Variants in TLK1 observed in about 807,000 individuals in gnomAD.
The protein encoded by TLK1 is tousled like kinase 1.
Under a neutral mutation model 105.3 loss-of-function variants are expected in TLK1, and 24 were observed. That is an observed-to-expected ratio of 0.23 (90% CI 0.17 to 0.32). The LOEUF (loss-of-function observed/expected upper bound fraction) is 0.32, where lower values mean the gene tolerates loss of function less well. Ranked by LOEUF, TLK1 falls within the 10% of genes least tolerant of loss-of-function variation. The probability of loss-of-function intolerance (pLI) is 1.00; values close to 1 mark genes in which losing one functional copy is unlikely to be tolerated. For missense variants in TLK1, 558 were observed against 910.5 expected, an observed-to-expected ratio of 0.61 and a Z score of 4.98; for synonymous variants, 321 against 310.4, an observed-to-expected ratio of 1.03 and a Z score of -0.36.
At chr2:171,111,412 A>G (rs1690158535) in intron 2 of TLK1, among the ~76,000 whole-genome samples, 1 of 152,050 alleles carries the variant, frequency 6.6e-6, no homozygotes, top group Non-Finnish European at 1.5e-5. Context: ...CTCCACAAAA[A>G]AAGTCCAGCA....
At chr2:171,188,818 T>C (rs1693087575) in intron 1 of TLK1, among the ~76,000 whole-genome samples, 1 of 148,984 alleles carries the variant, frequency 6.7e-6, no homozygotes, top group Admixed American at 6.8e-5. Flanking sequence ...GAGGTTGCAG[T>C]GAGCCGAGAT....
intron 1 of TLK1, among the ~76,000 whole-genome samples, chr2:171,180,094 C>CAAA (rs57360155): frequency 1.5e-5 from 1 of 68,724 alleles, no homozygotes; most frequent in Admixed American, 1.5e-4. Context: ...GACTCTGTCT[C>CAAA]AAAAAAAAAA....
chr2:171,075,415 G>C (rs1330131163), intron 3 of TLK1, among the ~76,000 whole-genome samples: 1 of 152,074 alleles, frequency 6.6e-6, no homozygotes, highest in Non-Finnish European at 1.5e-5. Flanking sequence ...CATGAAAAAT[G>C]GTGGAAAACT....
At chr2:171,225,924 T>G (rs529063359) in intron 1 of TLK1, among the ~76,000 whole-genome samples, 1 of 152,288 alleles carries the variant, frequency 6.6e-6, no homozygotes, top group South Asian at 2.1e-4. Context: ...TCATGGGCTG[T>G]AGTTGCTTCT....
chr2:171,056,380 G>A (rs556717785), intron 6 of TLK1, 91 bp downstream of exon 6: 15 of 949,484 alleles, frequency 1.6e-5, no homozygotes, highest in Non-Finnish European at 2.2e-5. Flanking sequence ...TTATATAGAA[G>A]TTCTCAATAA....
At chr2:171,200,727 A>C (rs79380580) in intron 1 of TLK1, among the ~76,000 whole-genome samples, 4,154 of 152,252 alleles carry the variant, frequency 0.027, 119 homozygotes, top group South Asian at 0.095. Context: ...TTTACAAATT[A>C]TTTGGGAGAT....
intron 2 of TLK1, among the ~76,000 whole-genome samples, chr2:171,089,836 G>A (rs1394143065): frequency 6.6e-6 from 1 of 152,072 alleles, no homozygotes; most frequent in African/African-American, 2.4e-5. Context: ...ACCGTGCCTG[G>A]TTTAATTTTA....
At chr2:171,008,975 G>C (rs1684774313) in intron 14 of TLK1, among the ~76,000 whole-genome samples, 1 of 152,198 alleles carries the variant, frequency 6.6e-6, no homozygotes, top group Admixed American at 6.5e-5. Context: ...GTGACTTTTA[G>C]ATCCCAGCTG....
chr2:171,156,622 A>T (rs1378832435), intron 1 of TLK1, among the ~76,000 whole-genome samples: 1 of 152,234 alleles, frequency 6.6e-6, no homozygotes, highest in East Asian at 1.9e-4. Flanking sequence ...TCTGTCACAT[A>T]TCTATTCATG....
chr2:171,154,156 G>GTC (rs1692146621), intron 1 of TLK1, among the ~76,000 whole-genome samples: 1 of 151,418 alleles, frequency 6.6e-6, no homozygotes, highest in Admixed American at 6.6e-5. Context: ...CCCAAAGCTG[G>GTC]GATTACAGGC....
intron 2 of TLK1, among the ~76,000 whole-genome samples, chr2:171,108,700 C>T (rs1690039100): frequency 6.6e-6 from 1 of 152,066 alleles, no homozygotes; most frequent in South Asian, 2.1e-4. Context: ...ACCTCCTGAG[C>T]TCAAGTAATC....
chr2:171,120,603 A>G (rs1690614954), intron 1 of TLK1, among the ~76,000 whole-genome samples: 1 of 152,212 alleles, frequency 6.6e-6, no homozygotes, highest in Admixed American at 6.5e-5. Flanking sequence ...CTTCATACCC[A>G]TTAGGATGGC....
At chr2:171,110,839 TA>T (rs1008854630) in intron 2 of TLK1, among the ~76,000 whole-genome samples, 1 of 152,140 alleles carries the variant, frequency 6.6e-6, no homozygotes, top group Admixed American at 6.5e-5. Flanking sequence ...AACTATATAG[TA>T]AAAAAGGGTA....
chr2:171,230,946 G>A (rs527565656), intron 1 of TLK1, among the ~76,000 whole-genome samples: 10 of 152,152 alleles, frequency 6.6e-5, no homozygotes, highest in Non-Finnish European at 1.5e-4. Flanking sequence ...AGACATTAAA[G>A]GGCATTTTAC....
intron 6 of TLK1, among the ~76,000 whole-genome samples, chr2:171,056,056 A>G (rs1234770425): frequency 1.3e-5 from 2 of 152,058 alleles, no homozygotes; most frequent in African/African-American, 4.8e-5. Context: ...ACTGAACTAC[A>G]TACCCTGCCT....
intron 12 of TLK1, among the ~76,000 whole-genome samples, chr2:171,019,717 A>T (rs1404221805): frequency 6.6e-6 from 1 of 152,164 alleles, no homozygotes; most frequent in Admixed American, 6.5e-5. Context: ...GGAACAGTCT[A>T]TTCACCGTAA....
chr2:171,087,838 GC>G (rs1476905155), intron 2 of TLK1, among the ~76,000 whole-genome samples: 1 of 152,202 alleles, frequency 6.6e-6, no homozygotes, highest in Non-Finnish European at 1.5e-5. Flanking sequence ...GTACTAAGAT[GC>G]ATAAGGCACA....
chr2:171,006,426 A>T lies in TLK1; in HGVS notation c.1768+48T>A, dbSNP rs1311726349. On this transcript the variant is annotated intron_variant, in intron 17 of 20. Transcript: ENST00000431350. The stretch of plus-strand genomic sequence containing the variant: ...TCAGATAACTTAATGAATGACTTTT[A>T]AAAACTATACTCAAGTTTAAAAAAA... The T allele has an allele frequency of 1.1e-5, 17 of 1,521,404 alleles. No homozygotes were observed. The African/African-American group carries it at 1.8e-4, about 16-fold the overall frequency. 94.2% of individuals were successfully genotyped at this position (1,521,404 alleles called of 1,614,324 possible).
intron 3 of TLK1, among the ~76,000 whole-genome samples, chr2:171,066,050 T>C (rs915239749): frequency 1.3e-5 from 2 of 152,220 alleles, no homozygotes; most frequent in African/African-American, 4.8e-5. Context: ...CCATGAAATA[T>C]GCACATCCGA....
Sources: gnomAD v4.1 joint callset for allele counts (sites outside exome capture counted in the v4.1 genomes callset) on GRCh38, gnomAD v4.1.1 for gene constraint, MANE v1.5 for transcripts, NCBI Gene and HGNC (gene_info 2026-07-23, HGNC 2026-07-21) for gene names.